RORB: variants seen among roughly 807,000 people sequenced by gnomAD.
RORB encodes the protein RAR related orphan receptor B, also known as nuclear receptor ROR-beta.
In RORB, 6 loss-of-function variants were observed where a neutral mutation model predicts 59.1. The observed-to-expected ratio is 0.10, with a 90% CI of 0.06 to 0.20. The LOEUF (loss-of-function observed/expected upper bound fraction) is 0.20, where lower values mean the gene tolerates loss of function less well. Ranked by LOEUF, RORB falls within the 10% of genes least tolerant of loss-of-function variation. The pLI, the probability that RORB is intolerant of heterozygous loss-of-function variation, is 1.00. For missense variants in RORB, 320 were observed against 560.5 expected (o/e 0.57, Z 4.33); for synonymous variants, 215 against 204.5 (o/e 1.05, Z -0.44).
chr9:74,621,625 T>C (rs1430595575), intron 1 of RORB, among the ~76,000 whole-genome samples: 3 of 152,194 alleles, frequency 2.0e-5, no homozygotes, highest in Admixed American at 2.0e-4. Context: ...TGTTAGGTGG[T>C]TTGGTAAGAC....
At chr9:74,589,735 T>TC (rs1225959426) in intron 1 of RORB, among the ~76,000 whole-genome samples, 1 of 152,034 alleles carries the variant, frequency 6.6e-6, no homozygotes, top group Non-Finnish European at 1.5e-5. Flanking sequence ...CACGCTCGCC[T>TC]CCCCCAGGGA....
At chr9:74,666,399 T>C (rs576163931) in intron 7 of RORB, among the ~76,000 whole-genome samples, 86 of 151,650 alleles carry the variant, frequency 5.7e-4, no homozygotes, top group African/African-American at 1.9e-3. Context: ...AGATTGAGGC[T>C]ACAGTGAGTC....
chr9:74,682,585 T>C (rs1049803141), intron 9 of RORB, among the ~76,000 whole-genome samples: 4 of 152,188 alleles, frequency 2.6e-5, no homozygotes, highest in African/African-American at 9.7e-5. Context: ...GTAGTATTTG[T>C]GTGTCACAGG....
At chr9:74,553,341 A>G (rs1034762676) in intron 1 of RORB, among the ~76,000 whole-genome samples, 3 of 152,190 alleles carry the variant, frequency 2.0e-5, no homozygotes, top group African/African-American at 7.2e-5. Context: ...TTGAAAATTC[A>G]GAATCATAAA....
At chr9:74,569,044 A>C (rs901273804) in intron 1 of RORB, among the ~76,000 whole-genome samples, 3 of 152,124 alleles carry the variant, frequency 2.0e-5, no homozygotes, top group Non-Finnish European at 4.4e-5. Context: ...TTGTTAGCTG[A>C]ACAGGTTGTT....
At chr9:74,579,895 C>A (rs912440004) in intron 1 of RORB, among the ~76,000 whole-genome samples, 4 of 152,044 alleles carry the variant, frequency 2.6e-5, no homozygotes, top group Admixed American at 1.3e-4. Flanking sequence ...CACGGTTTCG[C>A]CTTCAGCAAT....
chr9:74,636,133 G>T (rs553819007), intron 3 of RORB, among the ~76,000 whole-genome samples: 11 of 152,038 alleles, frequency 7.2e-5, no homozygotes, highest in African/African-American at 2.4e-4. Flanking sequence ...ATAGCAATGG[G>T]TACTTCTGTA....
intron 3 of RORB, among the ~76,000 whole-genome samples, chr9:74,639,710 T>A (rs1160732129): frequency 6.6e-6 from 1 of 152,172 alleles, no homozygotes; most frequent in Non-Finnish European, 1.5e-5. Context: ...TCCATAACTC[T>A]ACAACAAAGA....
chr9:74,610,530 T>A (rs1823218748), intron 1 of RORB, among the ~76,000 whole-genome samples: 1 of 152,196 alleles, frequency 6.6e-6, no homozygotes, highest in Admixed American at 6.5e-5. Flanking sequence ...ATATTCTCTA[T>A]GCAAAATTAA....
At chr9:74,572,745 C>T (rs1216402260) in intron 1 of RORB, among the ~76,000 whole-genome samples, 2 of 152,132 alleles carry the variant, frequency 1.3e-5, no homozygotes, top group African/African-American at 4.8e-5. Context: ...TCCCTGTTTT[C>T]CTCAGTAGGT....
chr9:74,624,913 T>C (rs1823484897), intron 1 of RORB, among the ~76,000 whole-genome samples: 1 of 152,152 alleles, frequency 6.6e-6, no homozygotes, highest in African/African-American at 2.4e-5. Context: ...TTAGCATAAC[T>C]GTACAATTAT....
At chr9:74,656,595 G>T (rs920311602) in intron 4 of RORB, among the ~76,000 whole-genome samples, 21 of 152,056 alleles carry the variant, frequency 1.4e-4, no homozygotes, top group African/African-American at 5.1e-4. Context: ...AATTAGCCAG[G>T]TGTGGTGGTA....
At chr9:74,566,261 TATGAAATC>T (rs1433888619) in intron 1 of RORB, among the ~76,000 whole-genome samples, 4 of 152,152 alleles carry the variant, frequency 2.6e-5, no homozygotes, top group African/African-American at 9.7e-5. Flanking sequence ...TTTCTGGCTC[TATGAAATC>T]TAAACTTTTT....
chr9:74,573,336 C>G (rs969038546), intron 1 of RORB, among the ~76,000 whole-genome samples: 2 of 151,934 alleles, frequency 1.3e-5, no homozygotes, highest in Admixed American at 6.6e-5. Context: ...GTGTGTTTTC[C>G]CATTCAATTT....
intron 1 of RORB, among the ~76,000 whole-genome samples, chr9:74,572,720 T>A (rs1321691980): frequency 1.3e-5 from 2 of 152,216 alleles, no homozygotes; most frequent in Non-Finnish European, 2.9e-5. Flanking sequence ...ATTAATTAGC[T>A]AAATTCAGCT....
chr9:74,537,216 C>G (rs754108699), intron 1 of RORB, among the ~76,000 whole-genome samples: 3 of 151,952 alleles, frequency 2.0e-5, no homozygotes, highest in African/African-American at 7.2e-5. Context: ...CCCCGTGGTT[C>G]CTGGCATGAA....
chr9:74,640,099 T>C (rs1377066123), intron 3 of RORB, among the ~76,000 whole-genome samples: 2 of 152,094 alleles, frequency 1.3e-5, no homozygotes, highest in South Asian at 2.1e-4. Context: ...ACCACTAAGA[T>C]GGAAAGGGGA....
At chr9:74,661,779 G>A (rs533793354) in intron 5 of RORB, among the ~76,000 whole-genome samples, 32 of 141,158 alleles carry the variant, frequency 2.3e-4, no homozygotes, top group Non-Finnish European at 4.3e-4. Context: ...CGAGTAGCTG[G>A]GACTACAGGC....
chr9:74,630,248 C>A, intron 1 of RORB, 34 bp from the exon 2 acceptor site: 1 of 1,607,762 alleles, frequency 6.2e-7, no homozygotes, highest in African/African-American at 1.3e-5. Flanking sequence ...AAGAAAACAT[C>A]TGTATGCTCA....
Sources: allele counts gnomAD v4.1 joint callset (sites outside exome capture counted in the v4.1 genomes callset), GRCh38; gene constraint gnomAD v4.1.1; transcripts MANE v1.5; gene names NCBI Gene and HGNC (gene_info 2026-07-23, HGNC 2026-07-21).